Variants in FGF12 observed in about 807,000 individuals in gnomAD.
The protein encoded by FGF12 is fibroblast growth factor 12, also known as fibroblast growth factor 12B.
FGF12 carries 14 observed loss-of-function variants against 23.6 expected under a neutral mutation model. The ratio of observed to expected loss-of-function variants is 0.59; its 90% CI spans 0.39 to 0.93. The LOEUF (loss-of-function observed/expected upper bound fraction) is 0.93, where lower values mean the gene tolerates loss of function less well. Ranked by LOEUF, FGF12 falls within the 40% of genes least tolerant of loss-of-function variation. The probability of loss-of-function intolerance (pLI) is 0.00; values close to 1 mark genes in which losing one functional copy is unlikely to be tolerated. For synonymous variants in FGF12, 62 were observed against 77.3 expected (o/e 0.80, Z 1.04); for missense variants, 175 against 217.8 (o/e 0.80, Z 1.24).
At chr3:192,420,461 C>A (rs557371150) in intron 2 of FGF12, among the ~76,000 whole-genome samples, 6 of 152,224 alleles carry the variant, frequency 3.9e-5, no homozygotes, top group African/African-American at 7.2e-5. Context: ...GGAGGTGGGA[C>A]CTGGTGGGAG....
intron 4 of FGF12, among the ~76,000 whole-genome samples, chr3:192,226,401 T>C (rs944158496): frequency 6.6e-6 from 1 of 152,176 alleles, no homozygotes; most frequent in Non-Finnish European, 1.5e-5. Flanking sequence ...AACATGAACA[T>C]GCTGAGATCC....
At chr3:192,338,533 G>A (rs550810240) in intron 3 of FGF12, among the ~76,000 whole-genome samples, 1 of 152,280 alleles carries the variant, frequency 6.6e-6, no homozygotes, top group East Asian at 1.9e-4. Flanking sequence ...GCATAAAGGT[G>A]TCCTTTGTGC....
intron 4 of FGF12, among the ~76,000 whole-genome samples, chr3:192,279,092 A>G (rs1522270): frequency 0.36 from 54,683 of 151,904 alleles, 10,935 homozygotes; most frequent in East Asian, 0.9. Context: ...GTGTTTTACA[A>G]CTTGAAGAAA....
intron 2 of FGF12, among the ~76,000 whole-genome samples, chr3:192,643,184 T>C (rs1262044777): frequency 2.6e-5 from 4 of 152,220 alleles, no homozygotes. Flanking sequence ...TGGTGGATCA[T>C]TTAGAATGGA....
At chr3:192,236,565 T>G (rs1001245265) in intron 4 of FGF12, among the ~76,000 whole-genome samples, 1 of 152,230 alleles carries the variant, frequency 6.6e-6, no homozygotes, top group South Asian at 2.1e-4. Flanking sequence ...ATATTTAGTA[T>G]AGTTTTCATG....
At chr3:192,238,950 C>T (rs1719453110) in intron 4 of FGF12, among the ~76,000 whole-genome samples, 1 of 152,130 alleles carries the variant, frequency 6.6e-6, no homozygotes, top group South Asian at 2.1e-4. Context: ...GTGCATTTTC[C>T]ACAAACAGTA....
At chr3:192,530,414 T>C (rs948356530) in intron 2 of FGF12, among the ~76,000 whole-genome samples, 1 of 152,190 alleles carries the variant, frequency 6.6e-6, no homozygotes, top group Non-Finnish European at 1.5e-5. Context: ...GGTAATGATA[T>C]GGTGGAGAAG....
intron 4 of FGF12, among the ~76,000 whole-genome samples, chr3:192,260,523 AC>A (rs1464554974): frequency 6.6e-6 from 1 of 152,192 alleles, no homozygotes; most frequent in South Asian, 2.1e-4. Context: ...CCATAATACA[AC>A]CCGCGTATTA....
At chr3:192,325,485 C>A (rs1716771397) in intron 4 of FGF12, among the ~76,000 whole-genome samples, 1 of 152,130 alleles carries the variant, frequency 6.6e-6, no homozygotes. Context: ...AGTTAAGGTT[C>A]TTGTTTCTCT....
At chr3:192,710,565 G>T (rs1475554346) in intron 2 of FGF12, among the ~76,000 whole-genome samples, 1 of 152,220 alleles carries the variant, frequency 6.6e-6, no homozygotes, top group Non-Finnish European at 1.5e-5. Flanking sequence ...AACTTGGATT[G>T]CACAATCTTC....
At chr3:192,257,403 G>T (rs921050033) in intron 4 of FGF12, among the ~76,000 whole-genome samples, 5 of 152,104 alleles carry the variant, frequency 3.3e-5, no homozygotes, top group African/African-American at 1.2e-4. Context: ...AGTGGCAGAT[G>T]AAGCTCTAAT....
intron 4 of FGF12, among the ~76,000 whole-genome samples, chr3:192,266,832 C>A (rs143733270): frequency 1.1e-4 from 16 of 150,894 alleles, no homozygotes; most frequent in Admixed American, 9.3e-4. Flanking sequence ...ACATACACTA[C>A]CTCACACATG....
rs527411225 is a variant in FGF12 at position 192,336,106 on chromosome 3, A to C, written c.125-642T>G. On this transcript the variant is annotated intron_variant, in intron 3 of 5. Coordinates refer to ENST00000445105, the MANE Select transcript of FGF12 (RefSeq NM_004113.6). This position sits in a 1 kb window ranked among gnomAD's most constrained non-coding sequence, Gnocchi z 4.3. ...GGATATATTTTATATCCAGGTGGGA[A>C]ATACACACACACACACACACACACA... 1.2e-3 allele frequency among the ~76,000 whole-genome samples: 140 copies of C among 118,154 alleles called. No homozygotes were observed. The highest frequency in any genetic ancestry group is 4.7e-3 in the African/African-American group (140 of 29,736). The allele number at this position is 118,154 out of a possible 152,430, so 77.5% of individuals were successfully genotyped here. A position where few individuals can be genotyped will look rare whatever the true frequency, so the allele number is the denominator to read the frequency against.
chr3:192,495,827 A>G (rs1723938917), intron 2 of FGF12, among the ~76,000 whole-genome samples: 1 of 151,840 alleles, frequency 6.6e-6, no homozygotes, highest in Non-Finnish European at 1.5e-5. Flanking sequence ...ACCACCCCCA[A>G]CTAATTTATA....
chr3:192,648,665 T>C (rs572500380), intron 2 of FGF12, among the ~76,000 whole-genome samples: 2 of 152,280 alleles, frequency 1.3e-5, no homozygotes, highest in South Asian at 2.1e-4. Flanking sequence ...GATTATTTTA[T>C]TCATGATTAT....
At chr3:192,255,942 C>A (rs1712359115) in intron 4 of FGF12, among the ~76,000 whole-genome samples, 1 of 152,012 alleles carries the variant, frequency 6.6e-6, no homozygotes, top group Non-Finnish European at 1.5e-5. Flanking sequence ...TTAAAACATC[C>A]CATTAATGAA....
At chr3:192,481,327 T>C (rs927572966) in intron 2 of FGF12, among the ~76,000 whole-genome samples, 3 of 152,034 alleles carry the variant, frequency 2.0e-5, no homozygotes, top group Non-Finnish European at 4.4e-5. Flanking sequence ...TTATCCTCTC[T>C]GAGGAAAAAA....
chr3:192,616,825 AACTTGTATCATCC>A (rs954221656), intron 2 of FGF12, among the ~76,000 whole-genome samples: 1 of 151,784 alleles, frequency 6.6e-6, no homozygotes, highest in African/African-American at 2.4e-5. Context: ...TTTTGTGATC[AACTTGTATCATCC>A]ACTCTTTAGA....
chr3:192,377,556 T>C (rs139363276), intron 2 of FGF12, among the ~76,000 whole-genome samples: 1 of 152,346 alleles, frequency 6.6e-6, no homozygotes, highest in East Asian at 1.9e-4. Context: ...ATGTTTATTA[T>C]GCCTCTAACA....
Sources: allele counts gnomAD v4.1 joint callset (sites outside exome capture counted in the v4.1 genomes callset), GRCh38; gene constraint gnomAD v4.1.1; non-coding constraint Gnocchi (gnomAD v3.1); transcripts MANE v1.5; gene names NCBI Gene and HGNC (gene_info 2026-07-23, HGNC 2026-07-21).